USP18: variants seen among roughly 807,000 people sequenced by gnomAD.
The protein encoded by USP18 is ubl carboxyl-terminal hydrolase 18.
Under a neutral mutation model 48.7 loss-of-function variants are expected in USP18, and 11 were observed. The ratio of observed to expected loss-of-function variants is 0.23; its 90% CI spans 0.14 to 0.37. The LOEUF (loss-of-function observed/expected upper bound fraction) is 0.37. Among genes scored for constraint, USP18 ranks in the 10% least tolerant of loss-of-function variants. USP18 has a pLI of 1.00. For missense variants in USP18, 285 were observed against 436.4 expected, an observed-to-expected ratio of 0.65 and a Z score of 3.09; for synonymous variants, 114 against 163.2, an observed-to-expected ratio of 0.70 and a Z score of 2.30.
intron 2 of USP18, 101 bp downstream of exon 2, chr22:18,157,921 G>C: frequency 6.8e-7 from 1 of 1,462,642 alleles, no homozygotes; most frequent in East Asian, 2.3e-5. Context: ...GACGGCTCAT[G>C]CTTTCCTGTG....
intron 1 of USP18, among the ~76,000 whole-genome samples, chr22:18,157,187 C>T (rs112643996): frequency 1.3e-5 from 2 of 152,228 alleles, no homozygotes; most frequent in Non-Finnish European, 1.5e-5. Context: ...GGGTGTTGGG[C>T]GGGTTGAGAG....
intron 9 of USP18, 48 bp downstream of exon 9, chr22:18,173,329 C>G (rs1929690181): frequency 2.5e-6 from 4 of 1,580,002 alleles, no homozygotes; most frequent in East Asian, 2.2e-5. Context: ...TTGGCCACCT[C>G]TAGCAAATGC....
Position 18,173,067 on chromosome 22 carries a change from G to A in USP18, c.892-83G>A, listed in dbSNP as rs1039972254. ...CTAATATTCTAAAGTCCCAGAGTCGGGCCTAGTGTGGGCAGGTATAAATGT... is the reference window on the plus strand; with the variant it reads ...CTAATATTCTAAAGTCCCAGAGTCGAGCCTAGTGTGGGCAGGTATAAATGT... On this transcript the variant is annotated intron_variant, in intron 8 of 10. Coordinates refer to ENST00000215794, the MANE Select transcript of USP18 (RefSeq NM_017414.4). The A allele has an allele frequency of 1.6e-4, 254 of 1,599,710 alleles. 4 individuals carry two copies. The highest frequency in any genetic ancestry group is 1.7e-4 in the Non-Finnish European group (202 of 1,173,266).
At position 18,172,826 on chromosome 22, in the gene USP18, G is replaced by A. The variant is rs1384956213; in HGVS notation, c.892-324G>A. Among the ~76,000 whole-genome samples, 4 of 150,504 alleles carry A rather than the reference G, an allele frequency of 2.7e-5. 1 individual carries two copies. In the South Asian group the frequency reaches 6.4e-4, roughly 24 times the overall value. On this transcript the variant is annotated intron_variant, in intron 8 of 10. Coordinates refer to ENST00000215794, the MANE Select transcript of USP18 (RefSeq NM_017414.4). ...GGTGGCTCAGGTTAGGGTCATTCCTGGGCTTGTGGAGAAACAGAACTGTGT... is the reference window on the plus strand; with the variant it reads ...GGTGGCTCAGGTTAGGGTCATTCCTAGGCTTGTGGAGAAACAGAACTGTGT...
intron 4 of USP18, among the ~76,000 whole-genome samples, chr22:18,164,251 G>A (rs2123734934): frequency 6.6e-6 from 1 of 151,850 alleles, no homozygotes; most frequent in South Asian, 2.1e-4. Flanking sequence ...AAACCCCAGG[G>A]CAGCAGCTGC....
At position 18,156,355 on chromosome 22, in the gene USP18, G is replaced by A. The variant is rs144368637; in HGVS notation, c.-106-1203G>A. Among the ~76,000 whole-genome samples the A allele has an allele frequency of 3.0e-3, 456 of 152,344 alleles. 2 individuals carry two copies. Among genetic ancestry groups the A allele is most frequent in the African/African-American group, 0.011 (437 of 41,580 alleles). The stretch of plus-strand genomic sequence containing the variant: ...AAGCAGGCTGCCCGAGCCAGCAGTG[G>A]CAACCTGGTCAGGTTTCCTTCCATG... On this transcript the variant is annotated intron_variant, in intron 1 of 10. Transcript: ENST00000215794.
chr22:18,175,054 C>T (rs1929746781), intron 10 of USP18, among the ~76,000 whole-genome samples: 1 of 152,160 alleles, frequency 6.6e-6, no homozygotes, highest in Non-Finnish European at 1.5e-5. Flanking sequence ...GCTGGGATTA[C>T]AGGCGCCCGC....
intron 5 of USP18, among the ~76,000 whole-genome samples, chr22:18,167,684 C>T (rs7293202): frequency 0.42 from 57,556 of 138,608 alleles, 12,653 homozygotes; most frequent in African/African-American, 0.6. Flanking sequence ...GGTGACAGAG[C>T]GAGACTCTGT....
At chr22:18,156,342 C>G (rs1048241560) in intron 1 of USP18, among the ~76,000 whole-genome samples, 5 of 152,194 alleles carry the variant, frequency 3.3e-5, no homozygotes, top group Non-Finnish European at 7.3e-5. Context: ...GCAGGCTGCC[C>G]GAGCCAGCAG....
intron 10 of USP18, among the ~76,000 whole-genome samples, chr22:18,175,221 T>G (rs1929752164): frequency 6.6e-6 from 1 of 152,186 alleles, no homozygotes; most frequent in African/African-American, 2.4e-5. Flanking sequence ...TTATAATCAT[T>G]AACTACCGAG....
chr22:18,174,781 G>T (rs950084397), intron 10 of USP18, among the ~76,000 whole-genome samples: 1 of 152,126 alleles, frequency 6.6e-6, no homozygotes, highest in Non-Finnish European at 1.5e-5. Flanking sequence ...AATGTTTGTA[G>T]AGATGAGGTC....
At position 18,157,660 on chromosome 22, in the gene USP18, A is replaced by T. The variant is rs1284364610; in HGVS notation, c.-4A>T. The stretch of plus-strand genomic sequence containing the variant: ...GCGGCCTGGGGGTTTTGGAGTGATC[A>T]CGAATGAGCAAGGCGTTTGGGCTCC... On this transcript the variant is annotated 5_prime_UTR_variant, in exon 2 of 11. Coordinates refer to ENST00000215794, the MANE Select transcript of USP18 (RefSeq NM_017414.4). 6.2e-7 allele frequency: 1 copy of T among 1,614,048 alleles called. No individual in the cohort carries two copies. The highest frequency in any genetic ancestry group is 8.5e-7 in the Non-Finnish European group (1 of 1,179,976).
chr22:18,150,947 TCAAA>T (rs567112938), intron 1 of USP18, among the ~76,000 whole-genome samples: 33 of 152,316 alleles, frequency 2.2e-4, no homozygotes, highest in Middle Eastern at 3.4e-3. Flanking sequence ...CGAAACTGTC[TCAAA>T]CAAACAAACA....
chr22:18,167,801 T>G, intron 5 of USP18, 89 bp from the exon 6 acceptor site: 1 of 1,461,720 alleles, frequency 6.8e-7, no homozygotes, highest in South Asian at 1.4e-5. Flanking sequence ...TGTGAGGAGC[T>G]TCTGTCTCTT....
In USP18 at chr22:18,164,161, A is replaced by G. The variant is rs1705714545; in HGVS notation, c.400+2226A>G. Among the ~76,000 whole-genome samples the G allele has an allele frequency of 5.3e-5, 8 of 152,294 alleles. No individual in the cohort carries two copies. In the South Asian group the frequency reaches 1.7e-3, roughly 32 times the overall value. On this transcript the variant is annotated intron_variant, in intron 4 of 10. Transcript: ENST00000215794. Reference sequence around the variant, plus strand: ...ATCTGTTGAGCAAACCAGTGGGAGCAGCTGTGGAGGTGCTCACCTGCCTGT... The same window carrying G: ...ATCTGTTGAGCAAACCAGTGGGAGCGGCTGTGGAGGTGCTCACCTGCCTGT...
At chr22:18,168,972 G>A (rs1929556082) in intron 6 of USP18, among the ~76,000 whole-genome samples, 1 of 151,906 alleles carries the variant, frequency 6.6e-6, no homozygotes, top group Admixed American at 6.6e-5. Flanking sequence ...TGTTCCTCCA[G>A]TCAGTAGGTG....
chr22:18,167,973 C>T lies in USP18; in HGVS notation c.564C>T (p.Asn188=), dbSNP rs1480929249. The part of the protein sequence containing the change: ...CVDCAMESSR[N]SSMLTLPLSL... The stretch of plus-strand genomic sequence containing the variant: ...ACTGTGCCATGGAGAGTAGCAGAAA[C>T]AGCAGCATGCTCACCCTCCCACTTT... The change falls in exon 6 of 11, where the codon AAC becomes AAT. Residue 188 remains asparagine (N), a synonymous_variant. Coordinates refer to ENST00000215794, the MANE Select transcript of USP18 (RefSeq NM_017414.4). The T allele has an allele frequency of 5.0e-5, 80 of 1,614,120 alleles. No individual in the cohort carries two copies. The highest frequency in any genetic ancestry group is 6.6e-5 in the Non-Finnish European group (78 of 1,180,024).
chr22:18,157,754 G>C lies in USP18; in HGVS notation c.91G>C (p.Glu31Gln). 6.2e-7 allele frequency: 1 copy of C among 1,614,126 alleles called. No individual in the cohort carries two copies. The highest frequency in any genetic ancestry group is 8.5e-7 in the Non-Finnish European group (1 of 1,180,020). Residue 31 changes from glutamate (E) to glutamine (Q), a missense_variant, in exon 2 of 11, where the codon GAA becomes CAA. Coordinates refer to ENST00000215794, the MANE Select transcript of USP18 (RefSeq NM_017414.4). Reference protein sequence around the residue: ...QSPADLEEKKEEDSNMKREQP... With the variant: ...QSPADLEEKKQEDSNMKREQP... ...CCCGGCAGATCTTGAAGAAAAGAAG[G>C]AAGAAGACAGCAACATGAAGAGAGA...
chr22:18,151,597 G>T (rs542600344), intron 1 of USP18, among the ~76,000 whole-genome samples: 1 of 151,808 alleles, frequency 6.6e-6, no homozygotes, highest in African/African-American at 2.4e-5. Flanking sequence ...TTACAAAGGG[G>T]AAAATGCTTA....
Sources: gnomAD v4.1 joint callset for allele counts (sites outside exome capture counted in the v4.1 genomes callset) on GRCh38, gnomAD v4.1.1 for gene constraint, MANE v1.5 for transcripts, NCBI Gene and HGNC (gene_info 2026-07-23, HGNC 2026-07-21) for gene names.